Variants in PFKFB3 observed in about 807,000 individuals in gnomAD.
The protein encoded by PFKFB3 is 6-phosphofructo-2-kinase/fructose-2,6-biphosphatase 3, also known as 6-phosphofructo-2-kinase/fructose-2,6-bisphosphatase 3.
Under a neutral mutation model 68.0 loss-of-function variants are expected in PFKFB3, and 33 were observed. The observed-to-expected ratio is 0.49, with a 90% CI of 0.37 to 0.65. PFKFB3 has a LOEUF of 0.65. Among genes scored for constraint, PFKFB3 ranks in the 30% least tolerant of loss-of-function variants. The pLI is 0.00. For synonymous variants in PFKFB3, 315 were observed against 288.2 expected (o/e 1.09, Z -0.94); for missense variants, 586 against 712.2 (o/e 0.82, Z 2.02).
the PFKFB3 span, among the ~76,000 whole-genome samples, chr10:6,303,798 T>TG: frequency 8.3e-6 from 1 of 120,764 alleles, no homozygotes; most frequent in East Asian, 2.4e-4. Context: ...AGAGTCCATC[T>TG]AAAAAAAAAA....
the PFKFB3 span, among the ~76,000 whole-genome samples, chr10:6,307,550 CT>C: frequency 6.7e-6 from 1 of 148,970 alleles, no homozygotes; most frequent in Non-Finnish European, 1.5e-5. Flanking sequence ...TCCTTCCTTC[CT>C]TCCTTCCTTC....
At chr10:6,152,164 T>C (rs575644072) in intron 1 of PFKFB3, 3 of 154,624 alleles carry the variant, frequency 1.9e-5, no homozygotes, top group Admixed American at 6.5e-5. Context: ...AGGCCACTAA[T>C]GGGTGGTGAC....
chr10:6,202,873 A>T (rs1000834192), upstream of PFKFB3: 2 of 1,053,140 alleles, frequency 1.9e-6, no homozygotes, highest in East Asian at 1.8e-4. Context: ...CCCGAGGCTG[A>T]CGTACGCGTC....
chr10:6,188,810 C>T (rs1361878490), intron 1 of PFKFB3, among the ~76,000 whole-genome samples: 8 of 149,454 alleles, frequency 5.4e-5, no homozygotes, highest in South Asian at 4.2e-4. Context: ...GTAGCTCTGA[C>T]GGATTTCCTT....
chr10:6,257,949 G>A (rs1015855112), downstream of PFKFB3, among the ~76,000 whole-genome samples: 2 of 152,100 alleles, frequency 1.3e-5, no homozygotes, highest in South Asian at 4.1e-4. Flanking sequence ...GGAGCCCAAG[G>A]ACAGGTCTCA....
intron 1 of PFKFB3, among the ~76,000 whole-genome samples, chr10:6,208,750 G>C (rs1316780774): frequency 6.6e-6 from 1 of 152,188 alleles, no homozygotes; most frequent in Non-Finnish European, 1.5e-5. Flanking sequence ...CTATCCGGGA[G>C]AGCAGGAGTA....
the PFKFB3 span, among the ~76,000 whole-genome samples, chr10:6,321,646 C>T: frequency 6.6e-6 from 1 of 152,186 alleles, no homozygotes; most frequent in African/African-American, 2.4e-5. Context: ...CTCTCCTTTG[C>T]ACTCACCCAG....
At chr10:6,274,488 A>G in the PFKFB3 span, among the ~76,000 whole-genome samples, 2 of 152,250 alleles carry the variant, frequency 1.3e-5, no homozygotes, top group African/African-American at 2.4e-5. Flanking sequence ...AATGCATTCA[A>G]TAGTGGCAAG....
intron 1 of PFKFB3, among the ~76,000 whole-genome samples, chr10:6,179,753 T>G (rs666529): frequency 0.58 from 88,556 of 151,418 alleles, 26,415 homozygotes; most frequent in Middle Eastern, 0.67. Context: ...TTTCTGAGCA[T>G]GCAGACGCCA....
rs1485026112 is a variant in PFKFB3, at chr10:6,229,864, T to C, written c.1516-3031T>C. Among the ~76,000 whole-genome samples, 1 of 152,148 alleles carries C rather than the reference T, an allele frequency of 6.6e-6. No individual in the cohort carries two copies. The highest frequency in any genetic ancestry group is 1.5e-5 in the Non-Finnish European group (1 of 68,028). On this transcript the variant is annotated intron_variant, in intron 14 of 14. Transcript: ENST00000379775. The surrounding 1 kb of genome is among the most constrained non-coding windows in gnomAD (Gnocchi z 4.3). ...CTGCCTCAGATCGTCTGGCATTAGA[T>C]TCTCTGAAGGGAACGCACAGCCTAG... is the stretch of plus-strand genomic sequence containing the variant.
the PFKFB3 span, among the ~76,000 whole-genome samples, chr10:6,283,846 A>G: frequency 6.6e-6 from 1 of 152,174 alleles, no homozygotes; most frequent in African/African-American, 2.4e-5. Flanking sequence ...CCAGGATCCA[A>G]TCAGATTGGA....
chr10:6,178,894 G>T (rs1373467061), intron 1 of PFKFB3, among the ~76,000 whole-genome samples: 2 of 152,202 alleles, frequency 1.3e-5, no homozygotes, highest in Non-Finnish European at 2.9e-5. Flanking sequence ...ACTCCCTTGA[G>T]AAGTGTCCCC....
chr10:6,185,309 G>C (rs1007317411), intron 1 of PFKFB3, among the ~76,000 whole-genome samples: 1 of 152,178 alleles, frequency 6.6e-6, no homozygotes, highest in Admixed American at 6.5e-5. Flanking sequence ...GGGCCGTTCC[G>C]AGCTGGTTCC....
Position 6,219,708 on chromosome 10 carries a change from T to A in PFKFB3, c.623+15T>A. On this transcript the variant is annotated intron_variant, in intron 7 of 14. Coordinates refer to ENST00000379775, the MANE Select transcript of PFKFB3 (RefSeq NM_004566.4). ...AAATGCGACAGGTGATTCCCGTGGC[T>A]GGCCGTCTCTGCAAGACCCACATGA... is the stretch of plus-strand genomic sequence containing the variant. 6.2e-7 allele frequency: 1 copy of A among 1,612,442 alleles called. No individual in the cohort carries two copies. The highest frequency in any genetic ancestry group is 8.5e-7 in the Non-Finnish European group (1 of 1,179,014).
At chr10:6,210,341 TTTTTG>T (rs1465364664) in intron 1 of PFKFB3, among the ~76,000 whole-genome samples, 2 of 37,736 alleles carry the variant, frequency 5.3e-5, no homozygotes, top group African/African-American at 1.1e-4. Flanking sequence ...TCTTTGTTTT[TTTTTG>T]TTTTTTTTTG....
downstream of PFKFB3, among the ~76,000 whole-genome samples, chr10:6,239,033 C>T (rs368156787): frequency 2.6e-4 from 39 of 152,234 alleles, no homozygotes; most frequent in Non-Finnish European, 3.1e-4. Context: ...TGAACATACG[C>T]GTGCATGTGT....
the PFKFB3 span, among the ~76,000 whole-genome samples, chr10:6,299,949 G>A: frequency 7.1e-6 from 1 of 140,026 alleles, no homozygotes; most frequent in Non-Finnish European, 1.5e-5. Flanking sequence ...AGAGCCTAGT[G>A]CAGTGCCTGT....
intron 1 of PFKFB3, among the ~76,000 whole-genome samples, chr10:6,210,356 G>GTTTTTTT (rs762723368): frequency 4.5e-5 from 2 of 44,476 alleles, no homozygotes; most frequent in African/African-American, 9.3e-5. Flanking sequence ...GTTTTTTTTT[G>GTTTTTTT]TTTTTTTGTT....
chr10:6,263,210 G>C, the PFKFB3 span, among the ~76,000 whole-genome samples: 2 of 152,242 alleles, frequency 1.3e-5, no homozygotes, highest in African/African-American at 4.8e-5. Flanking sequence ...GAAGGGATGG[G>C]CCGAATTAAA....
Sources: allele counts gnomAD v4.1 joint callset (sites outside exome capture counted in the v4.1 genomes callset), GRCh38; gene constraint gnomAD v4.1.1; non-coding constraint Gnocchi (gnomAD v3.1); transcripts MANE v1.5; gene names NCBI Gene and HGNC (gene_info 2026-07-23, HGNC 2026-07-21).